MASTL: variants seen among roughly 807,000 people sequenced by gnomAD.
MASTL encodes serine/threonine-protein kinase greatwall.
MASTL carries 54 observed loss-of-function variants against 82.5 expected under a neutral mutation model. That is an observed-to-expected ratio of 0.65 (90% CI 0.53 to 0.82). The LOEUF is 0.82. MASTL is among the 40% of genes least tolerant of loss of function. MASTL has a pLI of 0.00. For missense variants in MASTL, 950 were observed against 1,047.8 expected (o/e 0.91, Z 1.29); for synonymous variants, 323 against 368.9 (o/e 0.88, Z 1.43).
chr10:27,182,074 CA>C (rs544379603), intron 11 of MASTL, among the ~76,000 whole-genome samples: 18,862 of 95,408 alleles, frequency 0.2, 1,416 homozygotes, highest in South Asian at 0.3. Flanking sequence ...GACTCCCTCT[CA>C]AAAAAAAAAA....
rs770328964 is a variant in MASTL, at chr10:27,165,378, C to T, written c.661-11C>T. The T allele has an allele frequency of 1.9e-6, 3 of 1,613,226 alleles. No individual in the cohort carries two copies. The highest frequency in any genetic ancestry group is 2.5e-6 in the Non-Finnish European group (3 of 1,179,682). On this transcript the variant is annotated splice_polypyrimidine_tract_variant and intron_variant, in intron 5 of 11. Transcript: ENST00000375940. Reference sequence around the variant, plus strand: ...GTAAACCTGTTGTTTTTATTTTTCTCTTTTTAATAGAACACACCAATTGCA... The same window carrying T: ...GTAAACCTGTTGTTTTTATTTTTCTTTTTTTAATAGAACACACCAATTGCA...
Position 27,170,276 on chromosome 10 carries a change from G to A in MASTL, c.1317G>A (p.Gly439=). 6.2e-7 allele frequency: 1 copy of A among 1,614,048 alleles called. No homozygotes were observed. The highest frequency in any genetic ancestry group is 8.5e-7 in the Non-Finnish European group (1 of 1,179,986). ...GTGGGATATCTGAAGAGCACCTTGG[G>A]AAAAGAAGTTTAAAAAGAAATTTTG... is the stretch of plus-strand genomic sequence containing the variant. ...DSGGISEEHL[G]KRSLKRNFEL... The change falls in exon 8 of 12, where the codon GGG becomes GGA. Residue 439 remains glycine, a synonymous_variant. Transcript: ENST00000375940.
chr10:27,157,947 T>G (rs767502465), intron 1 of MASTL, among the ~76,000 whole-genome samples: 3 of 152,236 alleles, frequency 2.0e-5, no homozygotes, highest in Non-Finnish European at 4.4e-5. Flanking sequence ...AACTGTCTTT[T>G]GACTTCGTTA....
chr10:27,179,495 T>C (rs2058206189), intron 9 of MASTL, among the ~76,000 whole-genome samples: 1 of 152,186 alleles, frequency 6.6e-6, no homozygotes. Context: ...AGGCAGAGCT[T>C]GCAGTGAGCA....
intron 8 of MASTL, among the ~76,000 whole-genome samples, chr10:27,171,298 G>A (rs912956771): frequency 3.3e-5 from 5 of 151,768 alleles, no homozygotes; most frequent in African/African-American, 9.7e-5. Flanking sequence ...CATTTGTGTC[G>A]TTTTATGTAC....
chr10:27,186,461 T>G lies in MASTL; in HGVS notation c.2565T>G (p.Asp855Glu). The G allele has an allele frequency of 1.9e-6, 3 of 1,613,968 alleles. No homozygotes were observed. The highest frequency in any genetic ancestry group is 2.5e-6 in the Non-Finnish European group (3 of 1,179,824). The change falls in exon 12 of 12, where the codon GAT (aspartate) becomes GAG (glutamate). Residue 855 changes from aspartate (D) to glutamate (E), a missense_variant. Coordinates refer to ENST00000375940, the MANE Select transcript of MASTL (RefSeq NM_001172303.3). ...HQTMPFIPQP[D>E]DETDTSYFEA... ...CTATGCCTTTCATCCCCCAGCCAGA[T>G]GATGAAACAGATACCTCCTATTTTG...
intron 9 of MASTL, among the ~76,000 whole-genome samples, chr10:27,176,422 TAC>T (rs1483875503): frequency 6.6e-6 from 1 of 152,220 alleles, no homozygotes; most frequent in Non-Finnish European, 1.5e-5. Context: ...CTCAGAAAAC[TAC>T]AGTGGCTCCC....
At chr10:27,155,281 A>C, upstream of MASTL, 2 of 740,200 alleles carry the variant, frequency 2.7e-6, no homozygotes, top group Non-Finnish European at 4.4e-6. Context: ...GCGTCTGCGT[A>C]GGGGAGGTGA....
Position 27,187,945 on chromosome 10 carries a change from T to C in MASTL, c.*1409T>C, listed in dbSNP as rs1395071114. On this transcript the variant is annotated 3_prime_UTR_variant, in exon 12 of 12. Coordinates refer to ENST00000375940, the MANE Select transcript of MASTL (RefSeq NM_001172303.3). ...TTCTTTTGCTTAATAAATATAACTA[T>C]CACAAGTACATTATCTGTCAACATC... 6.6e-6 allele frequency among the ~76,000 whole-genome samples: 1 copy of C among 152,116 alleles called. No homozygotes were observed. Among genetic ancestry groups the C allele is most frequent in the Non-Finnish European group, 1.5e-5 (1 of 68,028 alleles).
intron 8 of MASTL, among the ~76,000 whole-genome samples, chr10:27,171,410 A>AATTATTATT (rs71386919): frequency 0.01 from 1,518 of 144,744 alleles, 20 homozygotes; most frequent in African/African-American, 0.031. Flanking sequence ...TGAGTTACAA[A>AATTATTATT]ATTATTATTA....
upstream of MASTL, chr10:27,155,153 G>C: frequency 2.2e-6 from 1 of 446,118 alleles, no homozygotes; most frequent in Non-Finnish European, 4.0e-6. Flanking sequence ...TTTTCTGGTC[G>C]GCCCAGAACT....
In MASTL at chr10:27,170,058, T is replaced by G; in HGVS notation, c.1099T>G (p.Leu367Val). The G allele has an allele frequency of 6.2e-7, 1 of 1,614,130 alleles. No homozygotes were observed. The highest frequency in any genetic ancestry group is 1.1e-5 in the South Asian group (1 of 91,086). Residue 367 changes from leucine (L) to valine (V), a missense_variant, in exon 8 of 12, where the codon TTA becomes GTA. Coordinates refer to ENST00000375940, the MANE Select transcript of MASTL (RefSeq NM_001172303.3). ...AGGTTTCAATAAAAAGGATCTGGAG[T>G]TAGCTCTTTCTCCCATTCATAACAG... ...TKGFNKKDLE[L>V]ALSPIHNSSA...
Position 27,159,811 on chromosome 10 carries a change from C to A in MASTL, c.464+53C>A. ...CTTAAAAATTCAAGTAATCAAATTA[C>A]ATATTTGAGTCTCAGATATTCACAG... On this transcript the variant is annotated intron_variant, in intron 3 of 11. Transcript: ENST00000375940. This position sits in a 1 kb window ranked among gnomAD's most constrained non-coding sequence, Gnocchi z 4.0. 1 of 1,459,014 alleles carries A rather than the reference C, an allele frequency of 6.9e-7. No homozygotes were observed. The highest frequency in any genetic ancestry group is 9.6e-7 in the Non-Finnish European group (1 of 1,043,266). The allele number at this position is 1,459,014 out of a possible 1,614,324, so 90.4% of individuals were successfully genotyped here. A position where few individuals can be genotyped will look rare whatever the true frequency, so the allele number is the denominator to read the frequency against.
chr10:27,161,952 C>T (rs1305408748), intron 4 of MASTL, among the ~76,000 whole-genome samples: 1 of 152,104 alleles, frequency 6.6e-6, no homozygotes, highest in Non-Finnish European at 1.5e-5. Context: ...ACAGTTAACA[C>T]ATATATGTAT....
chr10:27,180,687 C>T (rs1474219332), intron 9 of MASTL, among the ~76,000 whole-genome samples: 1 of 152,166 alleles, frequency 6.6e-6, no homozygotes, highest in Non-Finnish European at 1.5e-5. Context: ...CCACCGCGCC[C>T]AGCTCTACCT....
rs529398166 is a variant in MASTL, at chr10:27,180,803, T to G, written c.2267-150T>G. ...TCCTGGACCATGAGGAAAGGCAGACTTGCAGCTTATCTGCTTTTTCTTTTT... is the reference window on the plus strand; with the variant it reads ...TCCTGGACCATGAGGAAAGGCAGACGTGCAGCTTATCTGCTTTTTCTTTTT... On this transcript the variant is annotated intron_variant, in intron 9 of 11. Coordinates refer to ENST00000375940, the MANE Select transcript of MASTL (RefSeq NM_001172303.3). 2.7e-4 allele frequency: 189 copies of G among 689,136 alleles called. 1 individual carries two copies. The East Asian group carries it at 5.0e-3, about 18-fold the overall frequency. 42.7% of individuals were successfully genotyped at this position (689,136 alleles called of 1,614,324 possible). A position where few individuals can be genotyped will look rare whatever the true frequency, so the allele number is the denominator to read the frequency against.
chr10:27,171,825 C>CTTTTTTTTTTTTTTTT (rs112511530), intron 8 of MASTL, among the ~76,000 whole-genome samples: 1 of 93,560 alleles, frequency 1.1e-5, no homozygotes, highest in African/African-American at 4.4e-5. Context: ...AAATATGTTT[C>CTTTTTTTTTTTTTTTT]TTTTTTTTTT....
intron 11 of MASTL, 37 bp downstream of exon 11, chr10:27,181,618 T>C (rs1237350588): frequency 6.9e-7 from 1 of 1,457,506 alleles, no homozygotes; most frequent in Non-Finnish European, 9.6e-7. Context: ...TTACCATTGA[T>C]TTTTTGCAGA....
intron 1 of MASTL, among the ~76,000 whole-genome samples, chr10:27,156,214 C>G (rs1164662714): frequency 6.6e-6 from 1 of 151,922 alleles, no homozygotes; most frequent in East Asian, 1.9e-4. Flanking sequence ...TTAGTAGAGA[C>G]GGGGTTTCAC....
Sources: gnomAD v4.1 joint callset for allele counts (sites outside exome capture counted in the v4.1 genomes callset) on GRCh38, gnomAD v4.1.1 for gene constraint, Gnocchi (gnomAD v3.1) non-coding constraint, MANE v1.5 for transcripts, NCBI Gene and HGNC (gene_info 2026-07-23, HGNC 2026-07-21) for gene names.